KCNIP4: variants seen among roughly 807,000 people sequenced by gnomAD.
KCNIP4 encodes Kv channel-interacting protein 4.
In KCNIP4, 12 loss-of-function variants were observed where a neutral mutation model predicts 34.0. The ratio of observed to expected loss-of-function variants is 0.35; its 90% confidence interval spans 0.23 to 0.57. KCNIP4 has a LOEUF of 0.57. Ranked by LOEUF, KCNIP4 falls within the 20% of genes least tolerant of loss-of-function variation. The pLI is 0.83. For missense variants in KCNIP4, 238 were observed against 311.7 expected (o/e 0.76, Z 1.78); for synonymous variants, 124 against 102.2 (o/e 1.21, Z -1.29).
intron 1 of KCNIP4, among the ~76,000 whole-genome samples, chr4:21,300,457 C>T (rs1711548262): frequency 6.6e-6 from 1 of 151,964 alleles, no homozygotes; most frequent in Non-Finnish European, 1.5e-5. Context: ...ATTTTCATGC[C>T]TACTGCACTG....
At chr4:21,785,318 C>A (rs1719831793) in intron 1 of KCNIP4, among the ~76,000 whole-genome samples, 1 of 151,668 alleles carries the variant, frequency 6.6e-6, no homozygotes, top group South Asian at 2.1e-4. Context: ...TGGCTGGCCA[C>A]AGTGGTTCAC....
intron 1 of KCNIP4, among the ~76,000 whole-genome samples, chr4:21,821,328 T>A (rs770540638): frequency 1.3e-5 from 2 of 152,106 alleles, no homozygotes; most frequent in Non-Finnish European, 2.9e-5. Context: ...GTAGGTGCCA[T>A]TGAGGCCCAA....
At chr4:21,375,487 A>G (rs1051547341) in intron 1 of KCNIP4, among the ~76,000 whole-genome samples, 2 of 152,220 alleles carry the variant, frequency 1.3e-5, no homozygotes, top group Non-Finnish European at 2.9e-5. Context: ...TGTCAAATGC[A>G]TAGGTCCAGG....
chr4:21,932,958 C>A (rs114902944), intron 1 of KCNIP4, among the ~76,000 whole-genome samples: 152 of 150,756 alleles, frequency 1.0e-3, no homozygotes, highest in African/African-American at 3.4e-3. Flanking sequence ...TTGGAGACTG[C>A]TGACCTAGAC....
At chr4:21,629,849 CTTTTTT>C (rs5856652) in intron 1 of KCNIP4, among the ~76,000 whole-genome samples, 6 of 87,802 alleles carry the variant, frequency 6.8e-5, no homozygotes, top group Admixed American at 4.9e-4. Flanking sequence ...CTTTTTCTTT[CTTTTTT>C]TTTTTTTTTT....
At chr4:20,997,366 G>A (rs1449227113) in intron 1 of KCNIP4, among the ~76,000 whole-genome samples, 1 of 152,220 alleles carries the variant, frequency 6.6e-6, no homozygotes, top group Admixed American at 6.5e-5. Flanking sequence ...GAGCATGGTA[G>A]CGTATGTGAA....
At chr4:20,915,835 G>A (rs1318832828) in intron 1 of KCNIP4, among the ~76,000 whole-genome samples, 1 of 152,100 alleles carries the variant, frequency 6.6e-6, no homozygotes, top group African/African-American at 2.4e-5. Flanking sequence ...AAATGATAAA[G>A]AGCTTTCCCT....
intron 1 of KCNIP4, among the ~76,000 whole-genome samples, chr4:21,769,745 A>C (rs925583157): frequency 1.3e-5 from 2 of 152,086 alleles, no homozygotes; most frequent in East Asian, 3.9e-4. Flanking sequence ...TGAGGACTTT[A>C]TAAGGAATCC....
chr4:21,876,941 C>T lies in KCNIP4; in HGVS notation c.61+71630G>A, dbSNP rs544600368. On this transcript the variant is annotated intron_variant, in intron 1 of 8. Transcript: ENST00000382152. ...GCCAGTCCATCTGCTAGTGGCCAGA[C>T]AATCTTAGACAGGCACCACTCAATT... 8.2e-4 allele frequency among the ~76,000 whole-genome samples: 122 copies of T among 149,526 alleles called. 2 individuals are homozygous for T. In the Middle Eastern group the frequency reaches 0.017, roughly 21 times the overall value.
chr4:21,357,699 G>C (rs901284651), intron 1 of KCNIP4, among the ~76,000 whole-genome samples: 1 of 152,128 alleles, frequency 6.6e-6, no homozygotes, highest in African/African-American at 2.4e-5. Flanking sequence ...GGAGAAATAG[G>C]AACACTTTTA....
chr4:20,779,658 T>G (rs1411162945), intron 3 of KCNIP4, among the ~76,000 whole-genome samples: 1 of 138,612 alleles, frequency 7.2e-6, no homozygotes, highest in East Asian at 2.2e-4. Context: ...TAAGGAGAGA[T>G]TATCCTGGAT....
intron 1 of KCNIP4, among the ~76,000 whole-genome samples, chr4:21,181,433 T>C (rs1754833621): frequency 1.3e-5 from 2 of 152,130 alleles, no homozygotes; most frequent in Admixed American, 6.6e-5. Context: ...TGATCATCTC[T>C]AAGATTCTAC....
At chr4:21,842,956 A>G (rs1180767655) in intron 1 of KCNIP4, among the ~76,000 whole-genome samples, 1 of 152,110 alleles carries the variant, frequency 6.6e-6, no homozygotes, top group East Asian at 1.9e-4. Context: ...AGAACAGTAT[A>G]TGGCAAATAA....
intron 1 of KCNIP4, among the ~76,000 whole-genome samples, chr4:21,339,357 T>C (rs1716500832): frequency 6.6e-6 from 1 of 152,198 alleles, no homozygotes; most frequent in East Asian, 1.9e-4. Flanking sequence ...GAATGACAGG[T>C]GGAATGATAC....
At chr4:21,614,597 A>G (rs1744442774) in intron 1 of KCNIP4, among the ~76,000 whole-genome samples, 1 of 148,654 alleles carries the variant, frequency 6.7e-6, no homozygotes, top group Non-Finnish European at 1.5e-5. Flanking sequence ...ACATTACATT[A>G]AAATTATATT....
chr4:20,900,398 G>C (rs1727037920), intron 1 of KCNIP4, among the ~76,000 whole-genome samples: 1 of 152,150 alleles, frequency 6.6e-6, no homozygotes, highest in African/African-American at 2.4e-5. Flanking sequence ...CATAAACTAT[G>C]TTTCATTCAC....
At chr4:21,450,411 AAT>A (rs1728419976) in intron 1 of KCNIP4, among the ~76,000 whole-genome samples, 1 of 152,178 alleles carries the variant, frequency 6.6e-6, no homozygotes, top group Non-Finnish European at 1.5e-5. Flanking sequence ...CCCAAGAATA[AAT>A]GAACTGTCCA....
At chr4:21,723,232 C>T (rs372207371) in intron 1 of KCNIP4, among the ~76,000 whole-genome samples, 4 of 152,234 alleles carry the variant, frequency 2.6e-5, no homozygotes, top group African/African-American at 9.6e-5. Context: ...AAAATAAAAT[C>T]TGTGATGCTG....
chr4:20,956,664 G>A (rs1451931903), intron 1 of KCNIP4, among the ~76,000 whole-genome samples: 1 of 152,124 alleles, frequency 6.6e-6, no homozygotes, highest in Non-Finnish European at 1.5e-5. Flanking sequence ...GAAAATAAAA[G>A]CAAGTTAAAG....
Sources: gnomAD v4.1 joint callset for allele counts (sites outside exome capture counted in the v4.1 genomes callset) on GRCh38, gnomAD v4.1.1 for gene constraint, MANE v1.5 for transcripts, NCBI Gene and HGNC (gene_info 2026-07-23, HGNC 2026-07-21) for gene names.